The following PSMA6 variants were observed in gnomAD, a reference collection of about 807,000 sequenced individuals.
PSMA6 encodes proteasome subunit alpha type-6.
For synonymous variants in PSMA6, 88 were observed against 97.7 expected (o/e 0.90, Z 0.59); for missense variants, 170 against 294.8 (o/e 0.58, Z 3.10).
At chr14:35,292,351 G>T, upstream of PSMA6, 1 of 1,523,954 alleles carries the variant, frequency 6.6e-7, no homozygotes, top group Non-Finnish European at 8.8e-7. Context: ...AGTTCGGCAT[G>T]CAAGAGCGGA....
rs1566562088 is a variant in PSMA6 at position 35,310,889 on chromosome 14, G to T, written c.403G>T (p.Gly135Cys). The T allele has an allele frequency of 6.2e-7, 1 of 1,613,552 alleles. No homozygotes were observed. Among genetic ancestry groups the T allele is most frequent in the South Asian group, 1.1e-5 (1 of 91,014 alleles). ...ACAGAATGCTGAAATGAGGCCTCTT[G>T]GTTGTTGTAAGTATGCTAAGAGGTC... ...YTQNAEMRPL[G>C]CCMILIGIDE... Residue 135 changes from glycine (G) to cysteine (C), a missense_variant, in exon 4 of 7, where the codon GGT becomes TGT. By Grantham distance (159) the Gly-to-Cys change is radical. Coordinates refer to ENST00000261479, the MANE Select transcript of PSMA6 (RefSeq NM_002791.3).
rs755489866 is a variant in PSMA6 at position 35,278,755 on chromosome 14, C to T, written c.19+37C>T. The T allele has an allele frequency of 2.0e-5, 30 of 1,527,880 alleles. No individual in the cohort carries two copies. In the South Asian group the frequency reaches 3.6e-4, roughly 18 times the overall value. The allele number at this position is 1,527,880 out of a possible 1,614,324, so 94.6% of individuals were successfully genotyped here. ...ACTCAGACTTGTTGCTTGAGATGTA[C>T]TATATTACTGATTCTTTGAAAATAA... is the stretch of plus-strand genomic sequence containing the variant. On this transcript the variant is annotated intron_variant, in intron 1 of 6. Coordinates refer to the PSMA6 transcript ENST00000540871.
intron 1 of PSMA6, among the ~76,000 whole-genome samples, chr14:35,280,057 G>A (rs554989776): frequency 1.1e-4 from 17 of 151,892 alleles, no homozygotes; most frequent in South Asian, 8.3e-4. Flanking sequence ...CCAGGGAGGC[G>A]GAGCTTGCAG....
At chr14:35,299,581 C>T (rs1050554725) in intron 1 of PSMA6, among the ~76,000 whole-genome samples, 18 of 152,090 alleles carry the variant, frequency 1.2e-4, no homozygotes, top group Admixed American at 1.2e-3. Flanking sequence ...CTCGGCCTCC[C>T]AAAGTGCTGG....
upstream of PSMA6, among the ~76,000 whole-genome samples, chr14:35,287,998 A>G (rs1465050669): frequency 6.6e-6 from 1 of 152,234 alleles, no homozygotes; most frequent in East Asian, 1.9e-4. Context: ...AGCTATGTGG[A>G]AAAATCTCAA....
chr14:35,283,024 T>C (rs966900959), intron 1 of PSMA6, among the ~76,000 whole-genome samples: 1 of 151,974 alleles, frequency 6.6e-6, no homozygotes, highest in Admixed American at 6.5e-5. Flanking sequence ...TTGTATTTTT[T>C]AGTGGAGTCA....
chr14:35,314,665 G>A (rs556489891), intron 6 of PSMA6: 12 of 450,986 alleles, frequency 2.7e-5, no homozygotes, highest in Non-Finnish European at 3.4e-5. Context: ...CCTTATTTCA[G>A]AGTGATTTTA....
At chr14:35,293,630 C>G (rs1266171229) in intron 1 of PSMA6, among the ~76,000 whole-genome samples, 5 of 152,176 alleles carry the variant, frequency 3.3e-5, no homozygotes, top group Admixed American at 3.3e-4. Context: ...TGTATTACTG[C>G]ATAGTGTATA....
At chr14:35,305,638 T>C (rs1426229576) in intron 1 of PSMA6, among the ~76,000 whole-genome samples, 1 of 152,244 alleles carries the variant, frequency 6.6e-6, no homozygotes, top group Non-Finnish European at 1.5e-5. Flanking sequence ...TGGCTCAGAC[T>C]CAGTGCCCAG....
intron 3 of PSMA6, chr14:35,310,084 A>G (rs544766463): frequency 5.5e-6 from 2 of 365,684 alleles, no homozygotes; most frequent in Admixed American, 3.5e-5. Context: ...GCAGTGAGCT[A>G]TGATGGCTCA....
chr14:35,290,720 T>G (rs2138709805), upstream of PSMA6, among the ~76,000 whole-genome samples: 1 of 152,328 alleles, frequency 6.6e-6, no homozygotes, highest in South Asian at 2.1e-4. Context: ...AAACCATCTT[T>G]ATCTGGGGAG....
intron 5 of PSMA6, chr14:35,313,295 A>G (rs1051917322): frequency 2.6e-6 from 1 of 389,246 alleles, no homozygotes; most frequent in Non-Finnish European, 4.5e-6. Flanking sequence ...ATAATAGGAA[A>G]ATATAAATAA....
rs941102419 is a variant in PSMA6, at chr14:35,312,804, T to A, written c.410-77T>A. 3 of 1,312,788 alleles carry A rather than the reference T, an allele frequency of 2.3e-6. No individual in the cohort carries two copies. The African/African-American group carries it at 4.6e-5, about 20-fold the overall frequency. 81.3% of individuals were successfully genotyped at this position (1,312,788 alleles called of 1,614,324 possible). On this transcript the variant is annotated intron_variant, in intron 4 of 6. Coordinates refer to ENST00000261479, the MANE Select transcript of PSMA6 (RefSeq NM_002791.3). ...GGCCAAAGTCATGATTAGCAGCAGCTATGTGACACCACCAAGAAAGAGGAG... is the reference window on the plus strand; with the variant it reads ...GGCCAAAGTCATGATTAGCAGCAGCAATGTGACACCACCAAGAAAGAGGAG...
At chr14:35,298,321 C>G (rs904958057) in intron 1 of PSMA6, among the ~76,000 whole-genome samples, 1 of 152,086 alleles carries the variant, frequency 6.6e-6, no homozygotes, top group Non-Finnish European at 1.5e-5. Flanking sequence ...GAAACCCTAT[C>G]TGTACTAAAA....
intron 1 of PSMA6, among the ~76,000 whole-genome samples, chr14:35,306,162 G>A (rs1016835591): frequency 1.3e-5 from 2 of 151,900 alleles, no homozygotes; most frequent in African/African-American, 4.8e-5. Context: ...CCGGGAGGTC[G>A]AGGCTGCAGT....
chr14:35,292,543 T>A lies in PSMA6; in HGVS notation c.67T>A (p.Tyr23Asn). The A allele has an allele frequency of 6.2e-7, 1 of 1,613,702 alleles. No individual in the cohort carries two copies. The highest frequency in any genetic ancestry group is 8.5e-7 in the Non-Finnish European group (1 of 1,179,674). ...CATTTTTTCACCCGAGGGTCGGCTCTACCAAGTAGGTGAGTGAACCAGGTT... is the reference window on the plus strand; with the variant it reads ...CATTTTTTCACCCGAGGGTCGGCTCAACCAAGTAGGTGAGTGAACCAGGTT... The part of the protein sequence containing the change: ...ITIFSPEGRL[Y>N]QVEYAFKAIN... The change falls in exon 1 of 7, where the codon TAC becomes AAC. Residue 23 changes from tyrosine (Y) to asparagine (N), a missense_variant. Tyr to Asn is a moderately radical substitution (Grantham distance 143). Transcript: ENST00000261479.
intron 1 of PSMA6, among the ~76,000 whole-genome samples, chr14:35,282,260 A>G (rs907218664): frequency 6.6e-6 from 1 of 152,148 alleles, no homozygotes; most frequent in Non-Finnish European, 1.5e-5. Flanking sequence ...TTTTTGAGAC[A>G]GGGTCCTGCT....
At chr14:35,307,469 C>T (rs1289269815) in intron 1 of PSMA6, among the ~76,000 whole-genome samples, 1 of 152,108 alleles carries the variant, frequency 6.6e-6, no homozygotes, top group Non-Finnish European at 1.5e-5. Flanking sequence ...AGTGGTGGCT[C>T]ACACCTGTAA....
intron 1 of PSMA6, among the ~76,000 whole-genome samples, chr14:35,286,892 G>A (rs1487808734): frequency 1.3e-5 from 2 of 152,010 alleles, no homozygotes; most frequent in Non-Finnish European, 2.9e-5. Flanking sequence ...GGGCAGAGGA[G>A]GGTTGCTTTA....
Sources: allele counts gnomAD v4.1 joint callset (sites outside exome capture counted in the v4.1 genomes callset), GRCh38; gene constraint gnomAD v4.1.1; transcripts MANE v1.5; gene names NCBI Gene and HGNC (gene_info 2026-07-23, HGNC 2026-07-21).